The following ELL variants were observed in gnomAD, a reference collection of about 807,000 sequenced individuals.
ELL encodes the protein elongation factor for RNA polymerase II, also known as RNA polymerase II elongation factor ELL.
ELL carries 18 observed loss-of-function variants against 64.0 expected under a neutral mutation model. That is an observed-to-expected ratio of 0.28 (90% CI 0.19 to 0.42). The LOEUF (loss-of-function observed/expected upper bound fraction) is 0.42, where lower values mean the gene tolerates loss of function less well. ELL is among the 10% of genes least tolerant of loss of function. The pLI, the probability that ELL is intolerant of heterozygous loss-of-function variation, is 1.00. For missense variants in ELL, 797 were observed against 870.4 expected (o/e 0.92, Z 1.06); for synonymous variants, 399 against 376.2 (o/e 1.06, Z -0.70).
chr19:18,518,848 C>T (rs1223236821), intron 1 of ELL, among the ~76,000 whole-genome samples: 5 of 151,932 alleles, frequency 3.3e-5, no homozygotes, highest in Non-Finnish European at 7.4e-5. Context: ...AGAAGGCCAG[C>T]AGCTATGTGT....
Position 18,465,787 on chromosome 19 carries a change from G to C in ELL, c.305+10C>G, listed in dbSNP as rs768332113. 7.0e-7 allele frequency: 1 copy of C among 1,419,656 alleles called. No homozygotes were observed. The highest frequency in any genetic ancestry group is 9.3e-7 in the Non-Finnish European group (1 of 1,079,802). The allele number at this position is 1,419,656 out of a possible 1,614,324, so 87.9% of individuals were successfully genotyped here. A position where few individuals can be genotyped will look rare whatever the true frequency, so the allele number is the denominator to read the frequency against. ...CCGGCGGGGTGCTCTGGGGTGGGGCGGCGCCTCACCTGGAGACATACTGCT... is the reference window on the plus strand; with the variant it reads ...CCGGCGGGGTGCTCTGGGGTGGGGCCGCGCCTCACCTGGAGACATACTGCT... On this transcript the variant is annotated intron_variant, in intron 3 of 11. Coordinates refer to ENST00000262809, the MANE Select transcript of ELL (RefSeq NM_006532.4).
At position 18,450,679 on chromosome 19, in the gene ELL, G is replaced by T. The variant is rs552804584; in HGVS notation, c.1263C>A (p.Pro421=). ...CEHGEAAAPA[P]TVRLGLPLLT... ...GCAGGGGCAGGCCGAGGCGCACAGTGGGGGCTGGGGCAGCCGCCTCTCCGT... is the reference window on the plus strand; with the variant it reads ...GCAGGGGCAGGCCGAGGCGCACAGTTGGGGCTGGGGCAGCCGCCTCTCCGT... Residue 421 remains proline (P), a synonymous_variant, in exon 8 of 12, where the codon CCC becomes CCA. Transcript: ENST00000262809. 49 of 1,586,584 alleles carry T rather than the reference G, an allele frequency of 3.1e-5. No homozygotes were observed. The highest frequency in any genetic ancestry group is 4.0e-5 in the Non-Finnish European group (47 of 1,167,180).
chr19:18,512,555 C>T (rs1018732055), intron 1 of ELL, among the ~76,000 whole-genome samples: 6 of 152,112 alleles, frequency 3.9e-5, no homozygotes, highest in African/African-American at 1.4e-4. Context: ...GGGAGGATTG[C>T]TTGAGCCTGG....
intron 1 of ELL, among the ~76,000 whole-genome samples, chr19:18,481,973 C>A (rs1252526450): frequency 6.6e-6 from 1 of 152,162 alleles, no homozygotes. Flanking sequence ...CTGCCGCCGG[C>A]AGCGAATGAG....
At position 18,443,379 on chromosome 19, in the gene ELL, C is replaced by T. The variant is rs761147689; in HGVS notation, c.*1373G>A. On this transcript the variant is annotated 3_prime_UTR_variant, in exon 12 of 12. Transcript: ENST00000262809. ...TGTCAGGAGGCACCCCTCCACCCCC[C>T]AGTTTAGAAAAATAGACATCTGTAT... is the stretch of plus-strand genomic sequence containing the variant. The T allele has an allele frequency of 5.1e-5, 11 of 213,842 alleles. No individual in the cohort carries two copies. The highest frequency in any genetic ancestry group is 1.3e-3 in the Middle Eastern group (1 of 772). 13.2% of individuals were successfully genotyped at this position (213,842 alleles called of 1,614,324 possible).
In ELL at chr19:18,449,602, A is replaced by G. The variant is rs1201442809; in HGVS notation, c.1465+875T>C. Among the ~76,000 whole-genome samples the G allele has an allele frequency of 6.6e-6, 1 of 152,176 alleles. No homozygotes were observed. The highest frequency in any genetic ancestry group is 6.5e-5 in the Admixed American group (1 of 15,284). ...GAAGGGCTCCCACCCTCATCCCAGGAATCCCCTGACTCAGCCTCCTCCCCA... is the reference window on the plus strand; with the variant it reads ...GAAGGGCTCCCACCCTCATCCCAGGGATCCCCTGACTCAGCCTCCTCCCCA... On this transcript the variant is annotated intron_variant, in intron 8 of 11. Transcript: ENST00000262809. The surrounding 1 kb of genome is among the most constrained non-coding windows in gnomAD (Gnocchi z 4.4).
At chr19:18,509,598 T>TACACACACACACACACATACAC (rs1975968698) in intron 1 of ELL, among the ~76,000 whole-genome samples, 1 of 81,856 alleles carries the variant, frequency 1.2e-5, no homozygotes, top group Non-Finnish European at 2.3e-5. Context: ...CGCGCGCACA[T>TACACACACACACACACATACAC]ACACACACAC....
At chr19:18,457,427 T>G (rs980892681) in intron 6 of ELL, among the ~76,000 whole-genome samples, 3 of 152,184 alleles carry the variant, frequency 2.0e-5, no homozygotes, top group Non-Finnish European at 4.4e-5. Context: ...GCCCCTGACC[T>G]GCACACCCAG....
At chr19:18,519,061 A>C (rs1203417633) in intron 1 of ELL, among the ~76,000 whole-genome samples, 2 of 151,854 alleles carry the variant, frequency 1.3e-5, no homozygotes, top group African/African-American at 4.8e-5. Context: ...AAGCCTCTTC[A>C]CAATTAAAAA....
At chr19:18,511,489 A>C (rs536513422) in intron 1 of ELL, among the ~76,000 whole-genome samples, 8 of 152,346 alleles carry the variant, frequency 5.3e-5, no homozygotes, top group African/African-American at 1.7e-4. Context: ...TGCCCTGTTC[A>C]CAGTAGCATG....
At chr19:18,505,720 G>C (rs1431397243) in intron 1 of ELL, among the ~76,000 whole-genome samples, 1 of 152,124 alleles carries the variant, frequency 6.6e-6, no homozygotes, top group Non-Finnish European at 1.5e-5. Flanking sequence ...TGGGGGCCAC[G>C]GGATGCGGCT....
chr19:18,497,274 G>C (rs924014859), intron 1 of ELL, among the ~76,000 whole-genome samples: 1 of 152,244 alleles, frequency 6.6e-6, no homozygotes, highest in African/African-American at 2.4e-5. Flanking sequence ...GTCTAGAAAG[G>C]CTGCACACTG....
chr19:18,488,492 G>A, intron 1 of ELL, among the ~76,000 whole-genome samples: 1 of 152,206 alleles, frequency 6.6e-6, no homozygotes. Context: ...GAGTACCCAG[G>A]AGGCCCTGGG....
chr19:18,474,332 G>A (rs776476526), intron 1 of ELL, among the ~76,000 whole-genome samples: 18 of 152,242 alleles, frequency 1.2e-4, no homozygotes, highest in Non-Finnish European at 2.1e-4. Context: ...AGTGCCCAGA[G>A]TGGGAGGCAC....
rs1027565529 is a variant in ELL, at chr19:18,461,986, A to G, written c.470-134T>C. 8.3e-6 allele frequency: 10 copies of G among 1,212,024 alleles called. No individual in the cohort carries two copies. In the African/African-American group the frequency reaches 1.4e-4, roughly 17 times the overall value. The allele number at this position is 1,212,024 out of a possible 1,614,324, so 75.1% of individuals were successfully genotyped here. On this transcript the variant is annotated intron_variant, in intron 4 of 11. Transcript: ENST00000262809. ...GAGGCACCACACCAACCACAGCAAA[A>G]GCCAGCTTGCTCCTTGGGGACCCTG...
intron 1 of ELL, among the ~76,000 whole-genome samples, chr19:18,477,490 C>T (rs1287875284): frequency 1.3e-5 from 2 of 152,108 alleles, no homozygotes; most frequent in African/African-American, 2.4e-5. Flanking sequence ...CCTTGTCAAC[C>T]CCCAGCAGGA....
chr19:18,483,019 G>A (rs568278925), intron 1 of ELL, among the ~76,000 whole-genome samples: 41 of 152,068 alleles, frequency 2.7e-4, no homozygotes, highest in Non-Finnish European at 4.3e-4. Flanking sequence ...GGGCTCAAGC[G>A]ATCCTCTCAC....
chr19:18,454,461 T>C (rs964624162), intron 6 of ELL, among the ~76,000 whole-genome samples: 4 of 152,008 alleles, frequency 2.6e-5, no homozygotes, highest in Admixed American at 2.0e-4. Context: ...ATCGCGCCAC[T>C]GCACTCCAGC....
chr19:18,444,866 G>C lies in ELL; in HGVS notation c.1752C>G (p.Thr584=). ...ILQEYRKIKK[T]NTNYSQEKHR... ...GCTTCTCCTGGCTGTAGTTGGTGTT[G>C]GTCTGTGGGACAGCACAGTCATGCT... Residue 584 remains threonine, a splice_region_variant and synonymous_variant, in exon 12 of 12, where the codon ACC becomes ACG. Transcript: ENST00000262809. The C allele has an allele frequency of 1.2e-6, 2 of 1,611,040 alleles. No individual in the cohort carries two copies. Among genetic ancestry groups the C allele is most frequent in the South Asian group, 2.2e-5 (2 of 90,998 alleles).
Sources: gnomAD v4.1 joint callset for allele counts (sites outside exome capture counted in the v4.1 genomes callset) on GRCh38, gnomAD v4.1.1 for gene constraint, Gnocchi (gnomAD v3.1) non-coding constraint, MANE v1.5 for transcripts, NCBI Gene and HGNC (gene_info 2026-07-23, HGNC 2026-07-21) for gene names.